Variants in GFOD1 observed in about 807,000 individuals in gnomAD.
GFOD1 encodes glucose-fructose oxidoreductase domain-containing protein 1.
In GFOD1, 9 loss-of-function variants were observed where a neutral mutation model predicts 25.4. The ratio of observed to expected loss-of-function variants is 0.35; its 90% CI spans 0.21 to 0.62. GFOD1 has a LOEUF of 0.62. GFOD1 is among the 20% of genes least tolerant of loss of function. The pLI, the probability that GFOD1 is intolerant of heterozygous loss-of-function variation, is 0.72. For synonymous variants in GFOD1, 253 were observed against 245.6 expected, an observed-to-expected ratio of 1.03 and a Z score of -0.28; for missense variants, 403 against 556.9, an observed-to-expected ratio of 0.72 and a Z score of 2.78.
intron 1 of GFOD1, among the ~76,000 whole-genome samples, chr6:13,456,869 C>T (rs1758199336): frequency 6.6e-6 from 1 of 152,166 alleles, no homozygotes. Context: ...TTCACGTGAG[C>T]TTTTCATATA....
chr6:13,375,309 C>A (rs1280978933), intron 1 of GFOD1, among the ~76,000 whole-genome samples: 1 of 152,162 alleles, frequency 6.6e-6, no homozygotes, highest in Non-Finnish European at 1.5e-5. Flanking sequence ...CCTATTTTTA[C>A]TGGCTACACT....
intron 1 of GFOD1, among the ~76,000 whole-genome samples, chr6:13,427,658 A>G (rs1441586921): frequency 6.6e-6 from 1 of 152,226 alleles, no homozygotes. Flanking sequence ...CTCAAAAAAA[A>G]AGGCTTTGTA....
Position 13,408,190 on chromosome 6 carries a change from T to C in GFOD1, c.254-42528A>G, listed in dbSNP as rs370074096. On this transcript the variant is annotated intron_variant, in intron 1 of 1. Transcript: ENST00000379287. Reference sequence around the variant, plus strand: ...TAGCCTCTGCCTGATCAGAACACAATTGAATGTGGCCTTGGGCCAGACTAT... The same window carrying C: ...TAGCCTCTGCCTGATCAGAACACAACTGAATGTGGCCTTGGGCCAGACTAT... 324 of 662,466 alleles carry C rather than the reference T, an allele frequency of 4.9e-4. No individual in the cohort carries two copies. In the African/African-American group the frequency reaches 5.1e-3, roughly 10 times the overall value. 41.0% of individuals were successfully genotyped at this position (662,466 alleles called of 1,614,324 possible).
chr6:13,359,069 C>CT lies in GFOD1; in HGVS notation c.*5673dup, dbSNP rs1784909339. ...CCACTGGGAACACTGAGCCCATCAC[C>CT]TTTTAAAGAAGCGCAGGAGGTCTTG... On this transcript the variant is annotated 3_prime_UTR_variant, in exon 2 of 2. Transcript: ENST00000379287. The CT allele has an allele frequency of 6.6e-6, 1 of 152,320 alleles. No homozygotes were observed. The highest frequency in any genetic ancestry group is 1.5e-5 in the Non-Finnish European group (1 of 68,124). The allele number at this position is 152,320 out of a possible 1,614,324, so 9.4% of individuals were successfully genotyped here.
At position 13,428,095 on chromosome 6, in the gene GFOD1, C is replaced by G. The variant is rs149594873; in HGVS notation, c.253+58543G>C. On this transcript the variant is annotated intron_variant, in intron 1 of 1. Coordinates refer to ENST00000379287, the MANE Select transcript of GFOD1 (RefSeq NM_018988.4). ...TTCAAAGACTCACAGGTCTAAGCAT[C>G]CTGGGCACCACAGAGATAGGAAAGT... is the stretch of plus-strand genomic sequence containing the variant. 4.1e-3 allele frequency among the ~76,000 whole-genome samples: 619 copies of G among 152,328 alleles called. 4 individuals carry two copies. Among genetic ancestry groups the G allele is most frequent in the Middle Eastern group, 0.014 (4 of 294 alleles).
At chr6:13,464,896 G>A (rs991727839) in intron 1 of GFOD1, among the ~76,000 whole-genome samples, 1 of 53,526 alleles carries the variant, frequency 1.9e-5, no homozygotes, top group South Asian at 7.2e-4. Flanking sequence ...GTGTGTGTGT[G>A]TGTGTGTGTG....
Position 13,359,362 on chromosome 6 carries a change from T to G in GFOD1, c.*5381A>C, listed in dbSNP as rs931724280. On this transcript the variant is annotated 3_prime_UTR_variant, in exon 2 of 2. Coordinates refer to ENST00000379287, the MANE Select transcript of GFOD1 (RefSeq NM_018988.4). ...AGCTCCCCAATGTCATGGCCTCTGC[T>G]CTGTAAACTCCAAGGCTCTGATGGC... 5 of 152,258 alleles carry G rather than the reference T, an allele frequency of 3.3e-5. No individual in the cohort carries two copies. The highest frequency in any genetic ancestry group is 1.2e-4 in the African/African-American group (5 of 41,446). 9.4% of individuals were successfully genotyped at this position (152,258 alleles called of 1,614,324 possible). A position where few individuals can be genotyped will look rare whatever the true frequency, so the allele number is the denominator to read the frequency against.
intron 1 of GFOD1, among the ~76,000 whole-genome samples, chr6:13,441,753 A>G (rs1757919624): frequency 6.6e-6 from 1 of 152,280 alleles, no homozygotes; most frequent in Admixed American, 6.5e-5. Flanking sequence ...AAACTTCTAA[A>G]TAAACACCCA....
At position 13,365,205 on chromosome 6, in the gene GFOD1, G is replaced by C. The variant is rs567147003; in HGVS notation, c.711C>G (p.Leu237=). The C allele has an allele frequency of 6.2e-7, 1 of 1,614,104 alleles. No individual in the cohort carries two copies. Among genetic ancestry groups the C allele is most frequent in the South Asian group, 1.1e-5 (1 of 91,086 alleles). ...TGAACTCGCCGGGCACGTTGAAGTT[G>C]AGGGTGACGGTGCAGCACACCCCGC... ...LEGGVCCTVT[L]NFNVPGEFKQ... The change falls in exon 2 of 2, where the codon CTC becomes CTG. Residue 237 remains leucine (L), a synonymous_variant. Transcript: ENST00000379287. The surrounding 1 kb of genome is among the most constrained non-coding windows in gnomAD (Gnocchi z 9.2).
intron 1 of GFOD1, among the ~76,000 whole-genome samples, chr6:13,485,019 G>A (rs139017312): frequency 5.9e-4 from 90 of 152,272 alleles, no homozygotes; most frequent in Non-Finnish European, 9.6e-4. Context: ...TGTAAACAAG[G>A]GAGTTATCCA....
Position 13,360,930 on chromosome 6 carries a change from T to C in GFOD1, c.*3813A>G, listed in dbSNP as rs1291095012. On this transcript the variant is annotated 3_prime_UTR_variant, in exon 2 of 2. Coordinates refer to ENST00000379287, the MANE Select transcript of GFOD1 (RefSeq NM_018988.4). ...AAGATTAAGGATTTGAATGACCTCA[T>C]TTCTGCCTAACAGTTGTGTGACTTT... The C allele has an allele frequency of 6.7e-6, 3 of 446,540 alleles. No individual in the cohort carries two copies. Among genetic ancestry groups the C allele is most frequent in the Non-Finnish European group, 1.4e-5 (3 of 219,988 alleles). 27.7% of individuals were successfully genotyped at this position (446,540 alleles called of 1,614,324 possible).
rs189417793 is a variant in GFOD1 at position 13,381,052 on chromosome 6, G to T, written c.254-15390C>A. Among the ~76,000 whole-genome samples the T allele has an allele frequency of 7.7e-4, 118 of 152,288 alleles. 1 individual carries two copies. The East Asian group carries it at 0.019, about 24-fold the overall frequency. ...AACCACTGAGCTGAATGAGATGGGG[G>T]TTTCAGCAAGCCCAGCTATCCAAGG... On this transcript the variant is annotated intron_variant, in intron 1 of 1. Transcript: ENST00000379287.
chr6:13,369,200 C>T (rs1012297608), intron 1 of GFOD1, among the ~76,000 whole-genome samples: 2 of 152,222 alleles, frequency 1.3e-5, no homozygotes, highest in Non-Finnish European at 2.9e-5. Context: ...TTGTTGCCTG[C>T]CCCACCTTTG....
chr6:13,400,732 CA>C (rs540740158), intron 1 of GFOD1, among the ~76,000 whole-genome samples: 1 of 152,118 alleles, frequency 6.6e-6, no homozygotes, highest in Non-Finnish European at 1.5e-5. Flanking sequence ...CATTTCAAAG[CA>C]AGAGGGAAGA....
chr6:13,433,984 A>T (rs967812615), intron 1 of GFOD1, among the ~76,000 whole-genome samples: 9 of 152,244 alleles, frequency 5.9e-5, no homozygotes, highest in Admixed American at 5.2e-4. Flanking sequence ...CCTGAATACT[A>T]AGAGGAAGTA....
chr6:13,363,696 G>A lies in GFOD1; in HGVS notation c.*1047C>T. On this transcript the variant is annotated 3_prime_UTR_variant, in exon 2 of 2. Transcript: ENST00000379287. ...CTTGGTAGGAGAGATGCGCGATAGA[G>A]CCCCAAACACCTCCTGGCTAGGCTC... 1 of 149,874 alleles carries A rather than the reference G, an allele frequency of 6.7e-6. No homozygotes were observed. Among genetic ancestry groups the A allele is most frequent in the Non-Finnish European group, 1.5e-5 (1 of 67,766 alleles). 9.3% of individuals were successfully genotyped at this position (149,874 alleles called of 1,614,324 possible).
At position 13,487,054 on chromosome 6, in the gene GFOD1, G is replaced by T. The variant is rs1288157399; in HGVS notation, c.-164C>A. 1.3e-6 allele frequency: 1 copy of T among 793,464 alleles called. No homozygotes were observed. Among genetic ancestry groups the T allele is most frequent in the Admixed American group, 2.9e-5 (1 of 33,972 alleles). The allele number at this position is 793,464 out of a possible 1,614,324, so 49.2% of individuals were successfully genotyped here. On this transcript the variant is annotated 5_prime_UTR_variant, in exon 1 of 2. Coordinates refer to ENST00000379287, the MANE Select transcript of GFOD1 (RefSeq NM_018988.4). This position sits in a 1 kb window ranked among gnomAD's most constrained non-coding sequence, Gnocchi z 4.9. ...GGCGCCCGGGTGCCCAGAGCGCACCGAGCTGCAGGCGGAGCAAGCTCGGGG... is the reference window on the plus strand; with the variant it reads ...GGCGCCCGGGTGCCCAGAGCGCACCTAGCTGCAGGCGGAGCAAGCTCGGGG...
intron 1 of GFOD1, among the ~76,000 whole-genome samples, chr6:13,445,112 C>T (rs907112373): frequency 3.9e-5 from 6 of 152,132 alleles, no homozygotes; most frequent in African/African-American, 9.7e-5. Flanking sequence ...GGACTAAACA[C>T]GGCAAAGGAA....
chr6:13,407,124 C>A (rs1294523614), intron 1 of GFOD1, among the ~76,000 whole-genome samples: 1 of 151,910 alleles, frequency 6.6e-6, no homozygotes, highest in Non-Finnish European at 1.5e-5. Context: ...AAGGCAAAGA[C>A]AATACTCTAG....
Sources: gnomAD v4.1 joint callset for allele counts (sites outside exome capture counted in the v4.1 genomes callset) on GRCh38, gnomAD v4.1.1 for gene constraint, Gnocchi (gnomAD v3.1) non-coding constraint, MANE v1.5 for transcripts, NCBI Gene and HGNC (gene_info 2026-07-23, HGNC 2026-07-21) for gene names.